The following ZNF568 variants were observed in gnomAD, a reference collection of about 807,000 sequenced individuals.
ZNF568 encodes zinc finger protein 568, also known as p53 inhibitor of SCO2 activation.
Under a neutral mutation model 18.1 loss-of-function variants are expected in ZNF568, and 11 were observed. The ratio of observed to expected loss-of-function variants is 0.61; its 90% CI spans 0.38 to 1.00. The LOEUF is 1.00. ZNF568 is among the 50% of genes least tolerant of loss of function. The probability of loss-of-function intolerance (pLI) is 0.01; values close to 1 mark genes in which losing one functional copy is unlikely to be tolerated. For synonymous variants in ZNF568, 213 were observed against 246.6 expected (o/e 0.86, Z 1.28); for missense variants, 639 against 768.2 (o/e 0.83, Z 1.99).
intron 4 of ZNF568, among the ~76,000 whole-genome samples, chr19:36,927,879 TATATATATTATATATATATATATA>T (rs2073591673): frequency 3.5e-5 from 2 of 56,486 alleles, no homozygotes; most frequent in South Asian, 6.3e-4. Flanking sequence ...TATATATATA[TATATATATTATATATATATATATA>T]TTTTTTTTTT....
intron 2 of ZNF568, 116 bp downstream of exon 2, chr19:36,917,764 T>G (rs978315297): frequency 6.6e-6 from 1 of 152,272 alleles, no homozygotes; most frequent in East Asian, 1.9e-4. Context: ...CTTTTTTTAT[T>G]GTGCAAATTC....
At chr19:36,942,306 G>C (rs1435206416) in intron 6 of ZNF568, among the ~76,000 whole-genome samples, 2 of 151,666 alleles carry the variant, frequency 1.3e-5, no homozygotes, top group Non-Finnish European at 2.9e-5. Context: ...CATAAGAATA[G>C]AGAGATAAAG....
chr19:36,935,581 G>A (rs796832724), intron 4 of ZNF568, among the ~76,000 whole-genome samples: 16 of 150,480 alleles, frequency 1.1e-4, no homozygotes, highest in African/African-American at 3.7e-4. Flanking sequence ...AAAAAAAGTA[G>A]TGTTTGGAGT....
chr19:36,933,916 G>GTTTTTTTTTTTTTTTTTTTTTTT (rs1243440418), intron 4 of ZNF568, among the ~76,000 whole-genome samples: 2 of 20,720 alleles, frequency 9.7e-5, no homozygotes, highest in Non-Finnish European at 1.8e-4. Flanking sequence ...TTTTTGTTTT[G>GTTTTTTTTTTTTTTTTTTTTTTT]TTTTTTTGTT....
chr19:36,982,180 C>G (rs191236641), downstream of ZNF568, among the ~76,000 whole-genome samples: 1 of 151,958 alleles, frequency 6.6e-6, no homozygotes, highest in Non-Finnish European at 1.5e-5. Flanking sequence ...TATTTTAATT[C>G]TTATCTTGCT....
At chr19:36,963,099 C>T (rs919516880) in intron 6 of ZNF568, among the ~76,000 whole-genome samples, 1 of 152,100 alleles carries the variant, frequency 6.6e-6, no homozygotes, top group Admixed American at 6.6e-5. Flanking sequence ...ACCACAATCA[C>T]CTGTTAATGA....
chr19:36,921,342 T>C (rs1366789886), intron 2 of ZNF568, among the ~76,000 whole-genome samples: 1 of 151,966 alleles, frequency 6.6e-6, no homozygotes, highest in African/African-American at 2.4e-5. Context: ...ATGCCTGTAA[T>C]CCCAGCTACT....
Position 36,936,934 on chromosome 19 carries a change from G to T in ZNF568, c.262+62G>T, listed in dbSNP as rs140544766. Reference sequence around the variant, plus strand: ...ATTCTTTTCCATTTCTGAAATGTGTGAAGACTGTAACTTGCCAGATGAATC... The same window carrying T: ...ATTCTTTTCCATTTCTGAAATGTGTTAAGACTGTAACTTGCCAGATGAATC... On this transcript the variant is annotated intron_variant, in intron 5 of 6. Transcript: ENST00000333987. The T allele has an allele frequency of 9.5e-6, 15 of 1,586,388 alleles. 1 individual carries two copies. In the African/African-American group the frequency reaches 1.7e-4, roughly 18 times the overall value.
intron 3 of ZNF568, 83 bp from the exon 4 acceptor site, chr19:36,925,117 C>A: frequency 7.9e-7 from 1 of 1,261,732 alleles, no homozygotes; most frequent in Non-Finnish European, 1.2e-6. Context: ...TGTAGAGGGT[C>A]TTCTAGCCAC....
Position 36,950,252 on chromosome 19 carries a change from T to C in ZNF568, c.1099T>C (p.Cys367Arg), listed in dbSNP as rs1200656242. 3 of 1,613,906 alleles carry C rather than the reference T, an allele frequency of 1.9e-6. No homozygotes were observed. Among genetic ancestry groups the C allele is most frequent in the Non-Finnish European group, 2.5e-6 (3 of 1,180,006 alleles). The change falls in exon 7 of 7, where the codon TGT (cysteine) becomes CGT (arginine). Residue 367 changes from cysteine (C) to arginine (R), a missense_variant. Physicochemically the swap from Cys to Arg is radical, Grantham distance 180 (BLOSUM62 -3). Coordinates refer to ENST00000333987, the MANE Select transcript of ZNF568 (RefSeq NM_198539.4). ...TGEKPYACNE[C>R]GRAFSRMSSV... ...GGAGAAACCTTATGCATGTAATGAATGTGGTAGAGCTTTTTCTCGAATGTC... is the reference window on the plus strand; with the variant it reads ...GGAGAAACCTTATGCATGTAATGAACGTGGTAGAGCTTTTTCTCGAATGTC...
intron 6 of ZNF568, among the ~76,000 whole-genome samples, chr19:36,966,216 G>T (rs900293582): frequency 6.6e-6 from 1 of 152,092 alleles, no homozygotes; most frequent in Non-Finnish European, 1.5e-5. Context: ...AACTGGGGAG[G>T]TGGAGGTTGC....
At position 36,941,358 on chromosome 19, in the gene ZNF568, AG is replaced by A. The variant is rs1254991988; in HGVS notation, c.358+4118del. On this transcript the variant is annotated intron_variant, in intron 6 of 6. Transcript: ENST00000333987. Reference sequence around the variant, plus strand: ...AGTTTCAGTGTGGAGAAATAAACATAGGATAAGATGATAGGACCTGCTGTTA... The same window carrying A: ...AGTTTCAGTGTGGAGAAATAAACATAGATAAGATGATAGGACCTGCTGTTA... 1.3e-5 allele frequency among the ~76,000 whole-genome samples: 2 copies of A among 152,226 alleles called. 1 individual carries two copies. Among genetic ancestry groups the A allele is most frequent in the African/African-American group, 4.8e-5 (2 of 41,464 alleles).
downstream of ZNF568, among the ~76,000 whole-genome samples, chr19:36,954,423 TAAC>T (rs2074092022): frequency 6.6e-6 from 1 of 152,150 alleles, no homozygotes; most frequent in South Asian, 2.1e-4. Flanking sequence ...GATGGTGACT[TAAC>T]AACAGCAGGG....
chr19:36,937,365 G>T, intron 6 of ZNF568, 123 bp downstream of exon 6: 1 of 650,014 alleles, frequency 1.5e-6, no homozygotes, highest in Non-Finnish European at 2.6e-6. Flanking sequence ...AGTGACAAAT[G>T]GGATGGAGTG....
intron 6 of ZNF568, among the ~76,000 whole-genome samples, chr19:36,938,679 T>A (rs2073829751): frequency 6.6e-6 from 1 of 152,084 alleles, no homozygotes; most frequent in Admixed American, 6.6e-5. Context: ...TTCCAAAGAG[T>A]TTTACAGACA....
intron 6 of ZNF568, chr19:36,973,090 C>A: frequency 6.6e-6 from 1 of 152,582 alleles, no homozygotes; most frequent in Non-Finnish European, 1.5e-5. Context: ...TGACTGTGAG[C>A]GCCAGTGACC....
chr19:36,942,039 A>G (rs1229730878), intron 6 of ZNF568, among the ~76,000 whole-genome samples: 1 of 147,922 alleles, frequency 6.8e-6, no homozygotes, highest in Non-Finnish European at 1.5e-5. Context: ...GCTGGAGTGC[A>G]ATGGCGTGAT....
At chr19:36,971,606 G>GT (rs113761187) in intron 6 of ZNF568, among the ~76,000 whole-genome samples, 54,587 of 151,794 alleles carry the variant, frequency 0.36, 10,077 homozygotes, top group African/African-American at 0.41. Flanking sequence ...TTATAACTTT[G>GT]TTTTTTTTCT....
At chr19:36,981,748 C>A (rs2074333128), downstream of ZNF568, among the ~76,000 whole-genome samples, 1 of 151,958 alleles carries the variant, frequency 6.6e-6, no homozygotes, top group African/African-American at 2.4e-5. Flanking sequence ...ATGGTGCATG[C>A]CTGTAGTCCC....
Sources: gnomAD v4.1 joint callset for allele counts (sites outside exome capture counted in the v4.1 genomes callset) on GRCh38, gnomAD v4.1.1 for gene constraint, MANE v1.5 for transcripts, NCBI Gene and HGNC (gene_info 2026-07-23, HGNC 2026-07-21) for gene names.